ZBTB44: variants seen among roughly 807,000 people sequenced by gnomAD.
ZBTB44 encodes zinc finger and BTB domain-containing protein 44.
A neutral mutation model predicts 54.0 loss-of-function variants in ZBTB44; 15 were observed. That is an observed-to-expected ratio of 0.28 (90% CI 0.19 to 0.43). The LOEUF (loss-of-function observed/expected upper bound fraction) is 0.43. Ranked by LOEUF, ZBTB44 falls within the 20% of genes least tolerant of loss-of-function variation. The pLI is 1.00. For synonymous variants in ZBTB44, 230 were observed against 250.1 expected (o/e 0.92, Z 0.76); for missense variants, 487 against 707.1 (o/e 0.69, Z 3.53).
Position 130,242,454 on chromosome 11 carries a change from C to T in ZBTB44, c.1019-2558G>A, listed in dbSNP as rs1451285164. On this transcript the variant is annotated intron_variant, in intron 2 of 7. Transcript: ENST00000357899. The stretch of plus-strand genomic sequence containing the variant: ...TTGCAAATGAAACCACTCATCTATG[C>T]TCACTTCACTTCTGCCAAAAGTCCA... Among the ~76,000 whole-genome samples, 3 of 152,178 alleles carry T rather than the reference C, an allele frequency of 2.0e-5. No individual in the cohort carries two copies. In the East Asian group the frequency reaches 5.8e-4, roughly 29 times the overall value.
chr11:130,303,214 A>C (rs1406574622), intron 1 of ZBTB44, among the ~76,000 whole-genome samples: 1 of 152,252 alleles, frequency 6.6e-6, no homozygotes, highest in Non-Finnish European at 1.5e-5. Flanking sequence ...AGAGGGTAGT[A>C]GTTCCACAAA....
chr11:130,285,615 G>T, intron 1 of ZBTB44: 1 of 242,710 alleles, frequency 4.1e-6, no homozygotes, highest in Non-Finnish European at 8.4e-6. Context: ...TCTGATCTAA[G>T]CTTCCCATTC....
chr11:130,271,491 G>A (rs1463892266), intron 1 of ZBTB44, among the ~76,000 whole-genome samples: 2 of 152,132 alleles, frequency 1.3e-5, no homozygotes, highest in Non-Finnish European at 2.9e-5. Context: ...GTTCCCAACA[G>A]ACAAACCTAG....
At chr11:130,300,988 A>AT (rs140140699) in intron 1 of ZBTB44, among the ~76,000 whole-genome samples, 12,452 of 150,234 alleles carry the variant, frequency 0.083, 1,216 homozygotes, top group African/African-American at 0.23. Context: ...ACTCTCTCAG[A>AT]TTTTTTTTTT....
At chr11:130,279,309 A>T (rs1038753362) in intron 1 of ZBTB44, among the ~76,000 whole-genome samples, 101 of 113,452 alleles carry the variant, frequency 8.9e-4, no homozygotes, top group Non-Finnish European at 1.3e-3. Flanking sequence ...ACTGTTATTT[A>T]AAAAAAAAAA....
chr11:130,235,989 T>C, intron 5 of ZBTB44: 1 of 904,058 alleles, frequency 1.1e-6, no homozygotes, highest in South Asian at 2.5e-5. Flanking sequence ...AAAGAAAGAT[T>C]TGTAAAAATT....
chr11:130,271,040 T>C (rs538415974), intron 1 of ZBTB44, among the ~76,000 whole-genome samples: 19 of 152,294 alleles, frequency 1.2e-4, no homozygotes, highest in South Asian at 6.2e-4. Flanking sequence ...GCAAAAGGCC[T>C]TGGTGAAAAC....
At chr11:130,243,189 G>A (rs1277983375) in intron 2 of ZBTB44, among the ~76,000 whole-genome samples, 1 of 152,084 alleles carries the variant, frequency 6.6e-6, no homozygotes, top group Non-Finnish European at 1.5e-5. Context: ...TGAAAACTAC[G>A]CCAAGTGGCA....
chr11:130,306,608 C>T (rs1378779287), intron 1 of ZBTB44, among the ~76,000 whole-genome samples: 1 of 152,028 alleles, frequency 6.6e-6, no homozygotes, highest in Non-Finnish European at 1.5e-5. Context: ...GACACATGTA[C>T]ACACACTTAC....
At chr11:130,251,176 A>C (rs1937970365) in intron 2 of ZBTB44, among the ~76,000 whole-genome samples, 1 of 152,246 alleles carries the variant, frequency 6.6e-6, no homozygotes, top group African/African-American at 2.4e-5. Flanking sequence ...TGAATGGATC[A>C]AGCGGAAGAA....
chr11:130,239,951 T>C (rs945737018), intron 2 of ZBTB44, 55 bp from the exon 3 acceptor site: 7 of 1,294,522 alleles, frequency 5.4e-6, no homozygotes, highest in South Asian at 3.8e-5. Flanking sequence ...TAAGCCAAGA[T>C]TGTAACTGAA....
intron 1 of ZBTB44, among the ~76,000 whole-genome samples, chr11:130,311,805 T>C (rs1373850889): frequency 1.3e-5 from 2 of 152,002 alleles, no homozygotes; most frequent in African/African-American, 2.4e-5. Flanking sequence ...GCAAAGAAAG[T>C]ATAAGATAAA....
intron 2 of ZBTB44, among the ~76,000 whole-genome samples, chr11:130,247,778 T>C (rs929509906): frequency 1.3e-5 from 2 of 152,200 alleles, no homozygotes; most frequent in Non-Finnish European, 2.9e-5. Context: ...ATCCCACTGA[T>C]ATAAAATATC....
intron 3 of ZBTB44, 150 bp from the exon 4 acceptor site, chr11:130,238,757 A>G (rs1351729164): frequency 1.2e-6 from 1 of 842,108 alleles, no homozygotes; most frequent in East Asian, 3.0e-5. Flanking sequence ...TACTTTAACA[A>G]TATGAAAAAC....
chr11:130,302,641 A>G (rs1942046987), intron 1 of ZBTB44, among the ~76,000 whole-genome samples: 1 of 152,234 alleles, frequency 6.6e-6, no homozygotes, highest in African/African-American at 2.4e-5. Context: ...TGTAAGTAGA[A>G]GAAACACATA....
Position 130,228,839 on chromosome 11 carries a change from C to T in ZBTB44, c.*2925G>A, listed in dbSNP as rs1395402420. 4 of 152,232 alleles carry T rather than the reference C, an allele frequency of 2.6e-5. No homozygotes were observed. Among genetic ancestry groups the T allele is most frequent in the Non-Finnish European group, 5.9e-5 (4 of 68,044 alleles). The allele number at this position is 152,232 out of a possible 1,614,324, so 9.4% of individuals were successfully genotyped here. On this transcript the variant is annotated 3_prime_UTR_variant, in exon 8 of 8. Coordinates refer to ENST00000357899, the MANE Select transcript of ZBTB44 (RefSeq NM_001301098.2). ...CAATTTTATCAGTATATCGCCACAA[C>T]CGTGCCTGGGACTTTAAGCTTCATC...
In ZBTB44 at chr11:130,236,026, T is replaced by A. The variant is rs180956365; in HGVS notation, c.1568+767A>T. Reference sequence around the variant, plus strand: ...CATTTTATGAGAAACTAAGGATTCCTACAGAAGTACAATTCTTATAAACAA... The same window carrying A: ...CATTTTATGAGAAACTAAGGATTCCAACAGAAGTACAATTCTTATAAACAA... On this transcript the variant is annotated intron_variant, in intron 5 of 7. Transcript: ENST00000357899. 134 of 1,006,760 alleles carry A rather than the reference T, an allele frequency of 1.3e-4. 1 individual carries two copies. In the East Asian group the frequency reaches 8.0e-3, roughly 60 times the overall value. The allele number at this position is 1,006,760 out of a possible 1,614,324, so 62.4% of individuals were successfully genotyped here.
intron 1 of ZBTB44, among the ~76,000 whole-genome samples, chr11:130,274,755 A>C (rs946601145): frequency 6.6e-6 from 1 of 152,180 alleles, no homozygotes; most frequent in Admixed American, 6.5e-5. Flanking sequence ...TGTGGGATTC[A>C]GTTTGCTAGT....
chr11:130,283,335 C>T (rs1477844022), intron 1 of ZBTB44, among the ~76,000 whole-genome samples: 5 of 151,954 alleles, frequency 3.3e-5, no homozygotes, highest in African/African-American at 4.8e-5. Context: ...CATGAGCCAC[C>T]GTGCCCGGCC....
Sources: gnomAD v4.1 joint callset for allele counts (sites outside exome capture counted in the v4.1 genomes callset) on GRCh38, gnomAD v4.1.1 for gene constraint, MANE v1.5 for transcripts, NCBI Gene and HGNC (gene_info 2026-07-23, HGNC 2026-07-21) for gene names.